IFT81: variants seen among roughly 807,000 people sequenced by gnomAD.
IFT81 encodes intraflagellar transport protein 81 homolog.
A neutral mutation model predicts 102.6 loss-of-function variants in IFT81; 72 were observed. The observed-to-expected ratio is 0.70, with a 90% CI of 0.58 to 0.85. The LOEUF is 0.85. Among genes scored for constraint, IFT81 ranks in the 40% least tolerant of loss-of-function variants. The pLI is 0.00. For synonymous variants in IFT81, 237 were observed against 242.7 expected, an observed-to-expected ratio of 0.98 and a Z score of 0.22; for missense variants, 723 against 787.3, an observed-to-expected ratio of 0.92 and a Z score of 0.98.
rs202016990 is a variant in IFT81 at position 110,197,673 on chromosome 12, G to A, written c.1557+4967G>A. ...ACACCCTCTTCTACCTTACATGTGC[G>A]TTGTTATCCTCCGGCATTTTTTTTA... On this transcript the variant is annotated intron_variant, in intron 14 of 18. Transcript: ENST00000242591. Among the ~76,000 whole-genome samples the A allele has an allele frequency of 2.3e-4, 34 of 150,536 alleles. No individual in the cohort carries two copies. The East Asian group carries it at 6.0e-3, about 27-fold the overall frequency.
At chr12:110,190,000 G>A (rs796924461) in intron 12 of IFT81, among the ~76,000 whole-genome samples, 3 of 152,132 alleles carry the variant, frequency 2.0e-5, no homozygotes, top group African/African-American at 7.2e-5. Flanking sequence ...CTATTGAGAC[G>A]GTCTTCTAAT....
chr12:110,148,686 G>A (rs1895359494), intron 10 of IFT81, among the ~76,000 whole-genome samples: 1 of 151,966 alleles, frequency 6.6e-6, no homozygotes, highest in Non-Finnish European at 1.5e-5. Context: ...TCTTGGCCAG[G>A]CTGGTCTTGA....
chr12:110,212,887 A>AT (rs759542493), intron 18 of IFT81, among the ~76,000 whole-genome samples: 2 of 152,132 alleles, frequency 1.3e-5, no homozygotes, highest in Non-Finnish European at 2.9e-5. Context: ...TCAAAACTAT[A>AT]TTTTAATCAA....
In IFT81 at chr12:110,198,562, C is replaced by T. The variant is rs5021334; in HGVS notation, c.1558-5302C>T. On this transcript the variant is annotated intron_variant, in intron 14 of 18. Transcript: ENST00000242591. ...CAGATATTTTCTCTCCCATTTTTTG[C>T]GGTCTGTTTTCCAGCTACTCATACT... Among the ~76,000 whole-genome samples the T allele has an allele frequency of 6.9e-3, 1,046 of 151,936 alleles. 1 individual carries two copies. The highest frequency in any genetic ancestry group is 9.5e-3 in the Non-Finnish European group (644 of 67,948).
intron 18 of IFT81, among the ~76,000 whole-genome samples, chr12:110,213,040 C>T (rs1869665270): frequency 6.6e-6 from 1 of 152,028 alleles, no homozygotes; most frequent in Admixed American, 6.6e-5. Flanking sequence ...TATCTCATCA[C>T]ATTTCAGTAT....
intron 11 of IFT81, chr12:110,168,578 A>G (rs1215481792): frequency 2.9e-6 from 1 of 349,742 alleles, no homozygotes; most frequent in Non-Finnish European, 4.0e-6. Context: ...ATTATTTTAT[A>G]TTTTTGACTT....
In IFT81 at chr12:110,205,596, A is replaced by G; in HGVS notation, c.1718A>G (p.Asn573Ser). The change falls in exon 17 of 19, where the codon AAC (asparagine) becomes AGC (serine). Residue 573 changes from asparagine to serine, a missense_variant and splice_region_variant. Physicochemically the swap from Asn to Ser is conservative, Grantham distance 46. Transcript: ENST00000242591. Reference sequence around the variant, plus strand: ...TAAAACTGAAGTCTTTCTATTTAGAACCTAGAAGTTCAACTTCGTCGTGCT... The same window carrying G: ...TAAAACTGAAGTCTTTCTATTTAGAGCCTAGAAGTTCAACTTCGTCGTGCT... ...RYHYTNCMIK[N>S]LEVQLRRATD... The G allele has an allele frequency of 6.3e-7, 1 of 1,599,448 alleles. No individual in the cohort carries two copies. The highest frequency in any genetic ancestry group is 1.2e-5 in the South Asian group (1 of 86,666).
chr12:110,164,322 T>G (rs1896317817), intron 11 of IFT81, among the ~76,000 whole-genome samples: 1 of 152,194 alleles, frequency 6.6e-6, no homozygotes, highest in Non-Finnish European at 1.5e-5. Context: ...CCATCCTCTT[T>G]TCATAAAATT....
At chr12:110,209,920 C>A (rs1480403238) in intron 18 of IFT81, among the ~76,000 whole-genome samples, 1 of 152,034 alleles carries the variant, frequency 6.6e-6, no homozygotes, top group Non-Finnish European at 1.5e-5. Context: ...AACTGAAAAA[C>A]CTTGCTTGAG....
chr12:110,169,015 TCCTTCCTC>T (rs1320381928), intron 11 of IFT81: 10 of 141,784 alleles, frequency 7.1e-5, no homozygotes, highest in Non-Finnish European at 1.2e-4. Context: ...TTCTTTCTTT[TCCTTCCTC>T]CCTTCCTTCC....
intron 12 of IFT81, among the ~76,000 whole-genome samples, chr12:110,188,262 G>A (rs1167939123): frequency 6.6e-6 from 1 of 151,406 alleles, no homozygotes; most frequent in African/African-American, 2.4e-5. Context: ...AACCTGGGAG[G>A]CGGAGGTTGC....
chr12:110,162,886 C>A (rs779242365), intron 10 of IFT81, 33 bp from the exon 11 acceptor site: 3 of 1,529,122 alleles, frequency 2.0e-6, no homozygotes, highest in South Asian at 1.2e-5. Flanking sequence ...GATTGTATAT[C>A]TTATTATACC....
At chr12:110,186,617 G>A (rs1409568407) in intron 12 of IFT81, among the ~76,000 whole-genome samples, 4 of 151,878 alleles carry the variant, frequency 2.6e-5, no homozygotes, top group African/African-American at 4.8e-5. Flanking sequence ...GGGCTCAGGC[G>A]ATTCTCCCAC....
chr12:110,183,940 C>G (rs1187579003), intron 12 of IFT81, among the ~76,000 whole-genome samples: 1 of 152,134 alleles, frequency 6.6e-6, no homozygotes, highest in Non-Finnish European at 1.5e-5. Flanking sequence ...TGGAGTTTTG[C>G]CAGTCTTAAA....
At chr12:110,214,429 C>G (rs1593382510) in intron 18 of IFT81, among the ~76,000 whole-genome samples, 1 of 151,880 alleles carries the variant, frequency 6.6e-6, no homozygotes, top group South Asian at 2.1e-4. Flanking sequence ...TCAAGGCAAA[C>G]AGAACAAACC....
chr12:110,165,527 A>G (rs1372873561), intron 11 of IFT81, among the ~76,000 whole-genome samples: 3 of 152,240 alleles, frequency 2.0e-5, no homozygotes, highest in African/African-American at 7.2e-5. Flanking sequence ...TTTGGAAAGA[A>G]CACTATGCCA....
intron 10 of IFT81, among the ~76,000 whole-genome samples, chr12:110,149,384 G>A (rs998005584): frequency 6.6e-6 from 1 of 152,292 alleles, no homozygotes; most frequent in East Asian, 1.9e-4. Context: ...AGTGTCTAAG[G>A]GTGAATGTTT....
chr12:110,203,610 T>A (rs1898417932), intron 14 of IFT81: 2 of 384,228 alleles, frequency 5.2e-6, no homozygotes. Context: ...AATTTTTGGC[T>A]GTTTTATTCA....
chr12:110,192,604 G>T lies in IFT81; in HGVS notation c.1468-13G>T. On this transcript the variant is annotated splice_polypyrimidine_tract_variant and intron_variant, in intron 13 of 18. Transcript: ENST00000242591. ...TTCTTTTTTAGGTGTTATATTTTTT[G>T]TTCAAATAACAGGTGAAAAAACTGT... 2 of 1,380,178 alleles carry T rather than the reference G, an allele frequency of 1.4e-6. No homozygotes were observed. Among genetic ancestry groups the T allele is most frequent in the African/African-American group, 1.5e-5 (1 of 67,644 alleles). The allele number at this position is 1,380,178 out of a possible 1,614,324, so 85.5% of individuals were successfully genotyped here.
Sources: allele counts gnomAD v4.1 joint callset (sites outside exome capture counted in the v4.1 genomes callset), GRCh38; gene constraint gnomAD v4.1.1; transcripts MANE v1.5; gene names NCBI Gene and HGNC (gene_info 2026-07-23, HGNC 2026-07-21).